Variants in C10orf53 observed in about 807,000 individuals in gnomAD.
C10orf53 encodes UPF0728 protein C10orf53.
Under a neutral mutation model 9.4 loss-of-function variants are expected in C10orf53, and 8 were observed. That is an observed-to-expected ratio of 0.85 (90% confidence interval 0.50 to 1.53). The LOEUF (loss-of-function observed/expected upper bound fraction) is 1.53, where lower values mean the gene tolerates loss of function less well. C10orf53 is among the 40% of genes most tolerant of loss of function. The probability of loss-of-function intolerance (pLI) is 0.00; values close to 1 mark genes in which losing one functional copy is unlikely to be tolerated. For synonymous variants in C10orf53, 48 were observed against 46.0 expected, an observed-to-expected ratio of 1.04 and a Z score of -0.18; for missense variants, 117 against 117.8, an observed-to-expected ratio of 0.99 and a Z score of 0.03.
chr10:49,705,102 G>C (rs1462450693), intron 2 of C10orf53, among the ~76,000 whole-genome samples: 1 of 152,230 alleles, frequency 6.6e-6, no homozygotes, highest in Non-Finnish European at 1.5e-5. Context: ...GAATGAGAGA[G>C]ACTTTTGGAG....
At chr10:49,694,109 C>T in intron 2 of C10orf53, 1 of 642,020 alleles carries the variant, frequency 1.6e-6, no homozygotes, top group Non-Finnish European at 2.6e-6. Flanking sequence ...TTTCCCCAAA[C>T]ATTGGAAACA....
chr10:49,688,194 C>A (rs762214003), intron 1 of C10orf53, among the ~76,000 whole-genome samples: 3 of 152,074 alleles, frequency 2.0e-5, no homozygotes, highest in Non-Finnish European at 4.4e-5. Context: ...GCAGCTCTGC[C>A]CACTTTCCCT....
chr10:49,692,383 C>T (rs796258704), intron 1 of C10orf53, among the ~76,000 whole-genome samples: 1 of 152,140 alleles, frequency 6.6e-6, no homozygotes, highest in African/African-American at 2.4e-5. Flanking sequence ...AAATTAAAAT[C>T]GCGCAATTAA....
chr10:49,700,369 G>A (rs1020850952), downstream of C10orf53, among the ~76,000 whole-genome samples: 1 of 152,206 alleles, frequency 6.6e-6, no homozygotes, highest in African/African-American at 2.4e-5. Context: ...GTAGCGGTGG[G>A]CATTTCCCCC....
At chr10:49,685,701 T>C (rs1169592359) in intron 1 of C10orf53, among the ~76,000 whole-genome samples, 1 of 152,230 alleles carries the variant, frequency 6.6e-6, no homozygotes, top group East Asian at 1.9e-4. Context: ...ATGAGAAAGC[T>C]GATAATCTTA....
intron 1 of C10orf53, among the ~76,000 whole-genome samples, chr10:49,690,855 AG>A (rs1414589847): frequency 9.2e-5 from 14 of 152,102 alleles, no homozygotes; most frequent in African/African-American, 3.1e-4. Flanking sequence ...TGAGTAGAGG[AG>A]GGAGAGAGGT....
chr10:49,679,811 C>T lies in C10orf53; in HGVS notation c.97+17C>T. 1.3e-6 allele frequency: 2 copies of T among 1,525,786 alleles called. No homozygotes were observed. The highest frequency in any genetic ancestry group is 1.8e-6 in the Non-Finnish European group (2 of 1,137,988). 94.5% of individuals were successfully genotyped at this position (1,525,786 alleles called of 1,614,324 possible). ...GCCTGCAAGGTGGGCCTCCTCGCCGCGTGCGCCCCTGAGGGCCCCAGCCTC... is the reference window on the plus strand; with the variant it reads ...GCCTGCAAGGTGGGCCTCCTCGCCGTGTGCGCCCCTGAGGGCCCCAGCCTC... On this transcript the variant is annotated intron_variant, in intron 1 of 2. Coordinates refer to ENST00000374111, the MANE Select transcript of C10orf53 (RefSeq NM_001042427.3).
chr10:49,709,981 G>GTGTC (rs1334776941), exon 3 of C10orf53: 4 of 48,730 alleles, frequency 8.2e-5, no homozygotes, highest in African/African-American at 3.1e-4. Flanking sequence ...GTCTGTGTGT[G>GTGTC]TGTGTGTGTG....
chr10:49,705,302 G>A (rs1314327006), intron 2 of C10orf53, among the ~76,000 whole-genome samples: 1 of 152,196 alleles, frequency 6.6e-6, no homozygotes, highest in African/African-American at 2.4e-5. Context: ...CAGAGGGACA[G>A]CAATGAGCAG....
In C10orf53 at chr10:49,696,371, C is replaced by T. The variant is rs553165524; in HGVS notation, c.*1769C>T. Among the ~76,000 whole-genome samples the T allele has an allele frequency of 3.6e-4, 55 of 152,292 alleles. 1 individual carries two copies. Among genetic ancestry groups the T allele is most frequent in the Admixed American group, 2.2e-3 (33 of 15,298 alleles). ...TGCTGAGAACTGAAATTGCTAGCTT[C>T]CCCTGTCTGCATTTGGAGTGGGAAC... On this transcript the variant is annotated 3_prime_UTR_variant, in exon 3 of 3. Coordinates refer to ENST00000374111, the MANE Select transcript of C10orf53 (RefSeq NM_001042427.3).
intron 1 of C10orf53, among the ~76,000 whole-genome samples, chr10:49,683,354 A>T (rs187018698): frequency 3.3e-5 from 5 of 152,268 alleles, no homozygotes; most frequent in Admixed American, 2.6e-4. Context: ...TCCTTTGCCC[A>T]TTTTTTAAAT....
chr10:49,700,320 G>T (rs368678133), downstream of C10orf53, among the ~76,000 whole-genome samples: 2 of 152,226 alleles, frequency 1.3e-5, no homozygotes, highest in African/African-American at 4.8e-5. Context: ...GAGAGAAGTG[G>T]CATCAGGGTG....
exon 3 of C10orf53, chr10:49,709,354 A>C (rs546795179): frequency 6.6e-5 from 10 of 152,452 alleles, no homozygotes; most frequent in African/African-American, 2.2e-4. Flanking sequence ...GACATCCAGC[A>C]TCTAGCAAGG....
chr10:49,689,258 G>C (rs1010621749), intron 1 of C10orf53, among the ~76,000 whole-genome samples: 3 of 152,168 alleles, frequency 2.0e-5, no homozygotes, highest in Non-Finnish European at 4.4e-5. Flanking sequence ...GCAGAGGGAG[G>C]AGAGAACTGG....
chr10:49,688,827 A>T (rs1188261504), intron 1 of C10orf53, among the ~76,000 whole-genome samples: 1 of 152,110 alleles, frequency 6.6e-6, no homozygotes, highest in African/African-American at 2.4e-5. Context: ...AGTCACCTTC[A>T]TGGGCAGGCC....
At chr10:49,688,814 A>G (rs1840554144) in intron 1 of C10orf53, among the ~76,000 whole-genome samples, 1 of 152,108 alleles carries the variant, frequency 6.6e-6, no homozygotes, top group Admixed American at 6.6e-5. Flanking sequence ...GATATTCCTC[A>G]AAAGTCACCT....
intron 2 of C10orf53, among the ~76,000 whole-genome samples, chr10:49,706,123 G>T (rs1187251667): frequency 6.6e-6 from 1 of 152,170 alleles, no homozygotes; most frequent in Admixed American, 6.5e-5. Context: ...GGGATGTAAA[G>T]AAATCAGAAC....
chr10:49,702,145 C>T (rs551393709), downstream of C10orf53, among the ~76,000 whole-genome samples: 5 of 148,388 alleles, frequency 3.4e-5, no homozygotes, highest in South Asian at 2.1e-4. Context: ...TGCAGTGAGC[C>T]GAGATTGCAC....
chr10:49,682,165 T>C (rs1050452956), intron 1 of C10orf53, among the ~76,000 whole-genome samples: 2 of 152,228 alleles, frequency 1.3e-5, no homozygotes, highest in Non-Finnish European at 2.9e-5. Context: ...TTAATTATCT[T>C]TACAATGTTG....
Sources: gnomAD v4.1 joint callset for allele counts (sites outside exome capture counted in the v4.1 genomes callset) on GRCh38, gnomAD v4.1.1 for gene constraint, MANE v1.5 for transcripts, NCBI Gene and HGNC (gene_info 2026-07-23, HGNC 2026-07-21) for gene names.